The following LRP1 variants were observed in gnomAD, a reference collection of about 807,000 sequenced individuals.
The protein encoded by LRP1 is LDL receptor related protein 1.
Under a neutral mutation model 541.5 loss-of-function variants are expected in LRP1, and 51 were observed. The observed-to-expected ratio is 0.09, with a 90% CI of 0.08 to 0.12. The LOEUF (loss-of-function observed/expected upper bound fraction) is 0.12. Among genes scored for constraint, LRP1 ranks in the 10% least tolerant of loss-of-function variants. The pLI, the probability that LRP1 is intolerant of heterozygous loss-of-function variation, is 1.00. For missense variants in LRP1, 3,878 were observed against 6,376.2 expected (o/e 0.61, Z 13.34); for synonymous variants, 2,219 against 2,470.8 (o/e 0.90, Z 3.02).
chr12:57,200,420 C>CT, intron 62 of LRP1, 22 bp from the exon 63 acceptor site: 4 of 1,366,626 alleles, frequency 2.9e-6, no homozygotes, highest in Admixed American at 3.4e-5. Flanking sequence ...ACCAACCCCT[C>CT]TTGCCCCCAC....
intron 76 of LRP1, among the ~76,000 whole-genome samples, chr12:57,207,271 TAAATAAA>T (rs1406420172): frequency 7.3e-6 from 1 of 136,492 alleles, no homozygotes; most frequent in Non-Finnish European, 1.5e-5. Flanking sequence ...AATAAATAAA[TAAATAAA>T]TAAATAGAGA....
intron 1 of LRP1, among the ~76,000 whole-genome samples, chr12:57,130,500 G>T (rs2035017356): frequency 6.6e-6 from 1 of 151,066 alleles, no homozygotes; most frequent in Non-Finnish European, 1.5e-5. Context: ...CGCACAGCCG[G>T]CTTCTGCCTA....
In LRP1 at chr12:57,203,430, C is replaced by T. The variant is rs372658738; in HGVS notation, c.10860C>T (p.Cys3620=). 75 of 1,609,018 alleles carry T rather than the reference C, an allele frequency of 4.7e-5. 1 individual carries two copies. In the South Asian group the frequency reaches 5.2e-4, roughly 11 times the overall value. Residue 3620 remains cysteine (C), a synonymous_variant, in exon 70 of 89, where the codon TGC becomes TGT. Transcript: ENST00000243077. ...GCTGTGACATGGACCAGTTCCAGTG[C>T]AAGAGCGGCCACTGCATCCCCCTGC... is the stretch of plus-strand genomic sequence containing the variant. ...TPRCDMDQFQ[C]KSGHCIPLRW...
chr12:57,206,807 T>C lies in LRP1; in HGVS notation c.11859+66T>C. 6.4e-7 allele frequency: 1 copy of C among 1,564,080 alleles called. No individual in the cohort carries two copies. The highest frequency in any genetic ancestry group is 8.7e-7 in the Non-Finnish European group (1 of 1,154,114). On this transcript the variant is annotated intron_variant, in intron 76 of 88. Coordinates refer to ENST00000243077, the MANE Select transcript of LRP1 (RefSeq NM_002332.3). The surrounding 1 kb of genome is among the most constrained non-coding windows in gnomAD (Gnocchi z 4.7). ...ATAGAGCAGGCGGTTCAGAGCAGGA[T>C]TTGAAAAGGGCAGTGCTGGCTAGGC...
At chr12:57,136,397 C>T (rs907570426) in intron 1 of LRP1, among the ~76,000 whole-genome samples, 8 of 99,148 alleles carry the variant, frequency 8.1e-5, no homozygotes, top group African/African-American at 2.0e-4. Context: ...TCCTAAGAGC[C>T]CCCCCCCCCC....
Position 57,201,925 on chromosome 12 carries a change from CA to C in LRP1, c.10594+21del. 1 of 1,613,576 alleles carries C rather than the reference CA, an allele frequency of 6.2e-7. No individual in the cohort carries two copies. The highest frequency in any genetic ancestry group is 8.5e-7 in the Non-Finnish European group (1 of 1,179,832). On this transcript the variant is annotated intron_variant, in intron 67 of 88. Transcript: ENST00000243077. The surrounding 1 kb of genome is among the most constrained non-coding windows in gnomAD (Gnocchi z 6.4). ...AGTGTGGTGAGCCGAGACCCCACTC[CA>C]GGAGGAAGACAGTCTACCTGGGTGG...
In LRP1 at chr12:57,145,090, G is replaced by A. The variant is rs1375723675; in HGVS notation, c.567G>A (p.Lys189=). The change falls in exon 5 of 89, where the codon AAG becomes AAA. Residue 189 remains lysine (K), a synonymous_variant. Transcript: ENST00000243077. The part of the protein sequence containing the change: ...YLLQPDNRSC[K]AKNEPVDRPP... ...TGCAGCCGGATAACCGCTCCTGCAA[G>A]GCCAAGAACGGTGGGTGGGGTTGCC... 2 of 1,613,964 alleles carry A rather than the reference G, an allele frequency of 1.2e-6. No individual in the cohort carries two copies. Among genetic ancestry groups the A allele is most frequent in the Non-Finnish European group, 1.7e-6 (2 of 1,180,026 alleles).
Position 57,149,472 on chromosome 12 carries a change from C to G in LRP1, c.841+3982C>G, listed in dbSNP as rs1012323851. Reference sequence around the variant, plus strand: ...CTCCACCCAGACTGCTCCCAGCACTCCCCTTGCTGTTTTCAAGCCAAAGGA... The same window carrying G: ...CTCCACCCAGACTGCTCCCAGCACTGCCCTTGCTGTTTTCAAGCCAAAGGA... On this transcript the variant is annotated intron_variant, in intron 6 of 88. Coordinates refer to ENST00000243077, the MANE Select transcript of LRP1 (RefSeq NM_002332.3). The G allele has an allele frequency of 2.6e-5, 16 of 605,610 alleles. No individual in the cohort carries two copies. In the Admixed American group the frequency reaches 3.9e-4, roughly 15 times the overall value. 37.5% of individuals were successfully genotyped at this position (605,610 alleles called of 1,614,324 possible).
intron 42 of LRP1, among the ~76,000 whole-genome samples, chr12:57,190,126 C>T (rs1410354504): frequency 2.0e-5 from 3 of 152,132 alleles, no homozygotes; most frequent in Non-Finnish European, 4.4e-5. Context: ...AACGGTGGCT[C>T]CAACCCCAAA....
At position 57,211,423 on chromosome 12, in the gene LRP1, C is replaced by A; in HGVS notation, c.13092-64C>A. ...TGTCCTAGCCCTGCCCTGCCCCTCC[C>A]TTCCTCAGCATCCCAGGCACGCCTC... On this transcript the variant is annotated intron_variant, in intron 84 of 88. Transcript: ENST00000243077. This position sits in a 1 kb window ranked among gnomAD's most constrained non-coding sequence, Gnocchi z 4.3. The A allele has an allele frequency of 6.2e-7, 1 of 1,609,610 alleles. No individual in the cohort carries two copies. The highest frequency in any genetic ancestry group is 8.5e-7 in the Non-Finnish European group (1 of 1,178,326).
Position 57,196,994 on chromosome 12 carries a change from C to A in LRP1, c.8905C>A (p.Pro2969Thr). ...CCTGTGCCTGCAGTGCCGCTGTCGC[C>A]CTGGCTTCCGGCTGAAGGACGACGG... is the stretch of plus-strand genomic sequence containing the variant. ...LKIGFKCRCRPGFRLKDDGRT... is the reference protein window; with the variant it reads ...LKIGFKCRCRTGFRLKDDGRT... Residue 2969 changes from proline (P) to threonine (T), a missense_variant, in exon 56 of 89, where the codon CCT becomes ACT. By Grantham distance (38) the Pro-to-Thr change is conservative. Coordinates refer to ENST00000243077, the MANE Select transcript of LRP1 (RefSeq NM_002332.3). The A allele has an allele frequency of 6.2e-7, 1 of 1,611,774 alleles. No homozygotes were observed. The highest frequency in any genetic ancestry group is 8.5e-7 in the Non-Finnish European group (1 of 1,179,696).
rs753792932 is a variant in LRP1, at chr12:57,208,711, G to C, written c.12039G>C (p.Gly4013=). ...PHAIVVDPLR[G]TMYWSDWGNH... ...ACACTCACCCCTTCTCCCTCCCCAG[G>C]ACCATGTACTGGTCAGACTGGGGCA... Residue 4013 remains glycine, a splice_region_variant and synonymous_variant, in exon 78 of 89, where the codon GGG becomes GGC. Transcript: ENST00000243077. 5.3e-5 allele frequency: 86 copies of C among 1,608,550 alleles called. No individual in the cohort carries two copies. Among genetic ancestry groups the C allele is most frequent in the Non-Finnish European group, 7.1e-5 (84 of 1,175,442 alleles).
chr12:57,172,686 C>CAG (rs2035970513), intron 20 of LRP1, among the ~76,000 whole-genome samples: 1 of 152,194 alleles, frequency 6.6e-6, no homozygotes, highest in Non-Finnish European at 1.5e-5. Flanking sequence ...AGCTTTATCT[C>CAG]CATAGCTTTA....
chr12:57,181,050 G>T, intron 33 of LRP1, 107 bp from the exon 34 acceptor site: 1 of 1,405,980 alleles, frequency 7.1e-7, no homozygotes, highest in Non-Finnish European at 9.7e-7. Context: ...CCCCCATTAG[G>T]TCCAGGGTAG....
rs35255762 is a variant in LRP1, at chr12:57,156,963, G to A, written c.1561+43G>A. 222 of 1,520,758 alleles carry A rather than the reference G, an allele frequency of 1.5e-4. No individual in the cohort carries two copies. Among genetic ancestry groups the A allele is most frequent in the Non-Finnish European group, 1.8e-4 (203 of 1,128,376 alleles). The allele number at this position is 1,520,758 out of a possible 1,614,324, so 94.2% of individuals were successfully genotyped here. A position where few individuals can be genotyped will look rare whatever the true frequency, so the allele number is the denominator to read the frequency against. Reference sequence around the variant, plus strand: ...GGGTGTGTGCCCATTGGGAGGCTGCGGGAGGGTTCCTCAGGTGTCCCCCAC... The same window carrying A: ...GGGTGTGTGCCCATTGGGAGGCTGCAGGAGGGTTCCTCAGGTGTCCCCCAC... On this transcript the variant is annotated intron_variant, in intron 10 of 88. Transcript: ENST00000243077. The surrounding 1 kb of genome is among the most constrained non-coding windows in gnomAD (Gnocchi z 5.2).
chr12:57,184,206 G>A lies in LRP1; in HGVS notation c.6051G>A (p.Pro2017=), dbSNP rs768392663. ...AGCCCCGGGCCATCACCGTCCACCC[G>A]GAGAAAGGGTGAGGAGCTGGAAAGA... The part of the protein sequence containing the change: ...LDKPRAITVH[P]EKGYLFWTEW... The change falls in exon 37 of 89, where the codon CCG becomes CCA. Residue 2017 remains proline (P), a synonymous_variant. Coordinates refer to ENST00000243077, the MANE Select transcript of LRP1 (RefSeq NM_002332.3). This position sits in a 1 kb window ranked among gnomAD's most constrained non-coding sequence, Gnocchi z 7.8. 3.2e-5 allele frequency: 52 copies of A among 1,613,678 alleles called. No individual in the cohort carries two copies. The highest frequency in any genetic ancestry group is 6.7e-5 in the East Asian group (3 of 44,892).
rs2035975692 is a variant in LRP1 at position 57,173,013 on chromosome 12, G to A, written c.3164-155G>A. Among the ~76,000 whole-genome samples the A allele has an allele frequency of 6.6e-6, 1 of 152,206 alleles. No individual in the cohort carries two copies. The highest frequency in any genetic ancestry group is 2.4e-5 in the African/African-American group (1 of 41,452). On this transcript the variant is annotated intron_variant, in intron 20 of 88. Transcript: ENST00000243077. This position sits in a 1 kb window ranked among gnomAD's most constrained non-coding sequence, Gnocchi z 4.7. ...CTCCTGACTCTACTACTGAGTTGGT[G>A]CTTCCAAGGAGTGTCAGCAAAGCTT...
At chr12:57,140,253 T>C (rs2035261111) in intron 2 of LRP1, among the ~76,000 whole-genome samples, 1 of 152,156 alleles carries the variant, frequency 6.6e-6, no homozygotes, top group Non-Finnish European at 1.5e-5. Context: ...CCACAACCTT[T>C]GATTCTTCCC....
At chr12:57,149,575 A>G in intron 6 of LRP1, 1 of 696,964 alleles carries the variant, frequency 1.4e-6, no homozygotes, top group Non-Finnish European at 2.6e-6. Flanking sequence ...AGATGGGCTG[A>G]GTGGAATCCA....
Sources: gnomAD v4.1 joint callset for allele counts (sites outside exome capture counted in the v4.1 genomes callset) on GRCh38, gnomAD v4.1.1 for gene constraint, Gnocchi (gnomAD v3.1) non-coding constraint, MANE v1.5 for transcripts, NCBI Gene and HGNC (gene_info 2026-07-23, HGNC 2026-07-21) for gene names.